ATF2: variants seen among roughly 807,000 people sequenced by gnomAD.
ATF2 encodes the protein activating transcription factor 2, also known as cyclic AMP-dependent transcription factor ATF-2.
Under a neutral mutation model 60.6 loss-of-function variants are expected in ATF2, and 24 were observed. The ratio of observed to expected loss-of-function variants is 0.40; its 90% CI spans 0.29 to 0.56. ATF2 has a LOEUF of 0.56. Ranked by LOEUF, ATF2 falls within the 20% of genes least tolerant of loss-of-function variation. The pLI, the probability that ATF2 is intolerant of heterozygous loss-of-function variation, is 0.54. For synonymous variants in ATF2, 206 were observed against 215.4 expected, an observed-to-expected ratio of 0.96 and a Z score of 0.38; for missense variants, 433 against 607.7, an observed-to-expected ratio of 0.71 and a Z score of 3.02.
intron 12 of ATF2, among the ~76,000 whole-genome samples, chr2:175,081,195 C>T (rs560740739): frequency 2.0e-5 from 3 of 152,232 alleles, no homozygotes; most frequent in Non-Finnish European, 4.4e-5. Flanking sequence ...AAGCAAGTTT[C>T]CAGTTTCCTA....
intron 1 of ATF2, among the ~76,000 whole-genome samples, chr2:175,161,762 T>G (rs1188637164): frequency 1.5e-5 from 1 of 66,398 alleles, no homozygotes; most frequent in Non-Finnish European, 2.8e-5. Context: ...AGAAAGTAAC[T>G]CTTTTTTTTT....
At chr2:175,111,302 A>G (rs1696166140) in intron 10 of ATF2, among the ~76,000 whole-genome samples, 1 of 152,198 alleles carries the variant, frequency 6.6e-6, no homozygotes, top group South Asian at 2.1e-4. Context: ...CACTAGGAGG[A>G]GAAAAAGCCA....
chr2:175,123,632 G>C (rs1697118975), intron 4 of ATF2, among the ~76,000 whole-genome samples: 1 of 151,986 alleles, frequency 6.6e-6, no homozygotes, highest in South Asian at 2.1e-4. Flanking sequence ...TCAATCCTAA[G>C]TGTAAAGAAG....
chr2:175,134,724 C>CTA, intron 3 of ATF2, among the ~76,000 whole-genome samples: 1 of 152,154 alleles, frequency 6.6e-6, no homozygotes, highest in Non-Finnish European at 1.5e-5. Context: ...TGGCTCATGA[C>CTA]TATAATCCCA....
chr2:175,113,088 T>A (rs370264070), intron 9 of ATF2, among the ~76,000 whole-genome samples: 1 of 152,318 alleles, frequency 6.6e-6, no homozygotes, highest in East Asian at 1.9e-4. Context: ...AAATACTGTG[T>A]TCTGGAAACT....
chr2:175,085,549 AACATACACACACACAC>A (rs1243234183), intron 12 of ATF2, among the ~76,000 whole-genome samples: 1 of 74,784 alleles, frequency 1.3e-5, no homozygotes, highest in Non-Finnish European at 2.6e-5. Context: ...ATAAATACAT[AACATACACACACACAC>A]ACACACACAC....
Position 175,114,885 on chromosome 2 carries a change from TA to T in ATF2, c.448-18del. On this transcript the variant is annotated intron_variant, in intron 7 of 13. Transcript: ENST00000264110. ...TGGTACTTCCTATTTAACAATGAGA[TA>T]AAAAAGGGTGGCATTTAAAAATACA... 1.2e-6 allele frequency: 2 copies of T among 1,601,342 alleles called. No individual in the cohort carries two copies. The highest frequency in any genetic ancestry group is 2.2e-5 in the East Asian group (1 of 44,632).
At chr2:175,092,937 A>C in intron 12 of ATF2, 124 bp downstream of exon 12, 1 of 969,544 alleles carries the variant, frequency 1.0e-6, no homozygotes, top group Non-Finnish European at 1.5e-6. Context: ...ATGATTTACT[A>C]TAGATTCCAT....
At chr2:175,127,596 C>G (rs1697423259) in intron 4 of ATF2, among the ~76,000 whole-genome samples, 1 of 152,088 alleles carries the variant, frequency 6.6e-6, no homozygotes, top group South Asian at 2.1e-4. Flanking sequence ...TCTCCTCTGA[C>G]CTCCTCTCTT....
At chr2:175,111,347 A>C (rs1696170204) in intron 10 of ATF2, among the ~76,000 whole-genome samples, 1 of 152,208 alleles carries the variant, frequency 6.6e-6, no homozygotes, top group Non-Finnish European at 1.5e-5. Flanking sequence ...AGTGACAAGA[A>C]ACAGAACTTC....
intron 2 of ATF2, among the ~76,000 whole-genome samples, chr2:175,140,683 C>G (rs1231063846): frequency 1.4e-5 from 2 of 138,974 alleles, no homozygotes; most frequent in African/African-American, 3.0e-5. Context: ...ATACCTTGAA[C>G]TGTTTGAAAA....
intron 1 of ATF2, among the ~76,000 whole-genome samples, chr2:175,162,305 C>T (rs1414166163): frequency 1.3e-5 from 2 of 152,196 alleles, no homozygotes; most frequent in African/African-American, 4.8e-5. Context: ...CTAAATAATA[C>T]AACTTATTCC....
chr2:175,109,170 A>T (rs901368825), intron 10 of ATF2, among the ~76,000 whole-genome samples: 7 of 99,836 alleles, frequency 7.0e-5, no homozygotes, highest in Admixed American at 4.1e-4. Context: ...ATGATCAATA[A>T]AAAAAAAAAA....
Position 175,097,181 on chromosome 2 carries a change from G to T in ATF2, c.978+263C>A, listed in dbSNP as rs188953336. ...CACTGTCCTAAAATCAACAGAAAAA[G>T]ATGTTTTCTTTAAAAAGAATTGTGA... is the stretch of plus-strand genomic sequence containing the variant. On this transcript the variant is annotated intron_variant, in intron 11 of 13. Coordinates refer to ENST00000264110, the MANE Select transcript of ATF2 (RefSeq NM_001880.4). Among the ~76,000 whole-genome samples, 751 of 152,290 alleles carry T rather than the reference G, an allele frequency of 4.9e-3. 5 individuals carry two copies. The highest frequency in any genetic ancestry group is 0.017 in the African/African-American group (690 of 41,584).
At chr2:175,143,163 G>GT (rs897214995) in intron 2 of ATF2, among the ~76,000 whole-genome samples, 2 of 151,950 alleles carry the variant, frequency 1.3e-5, no homozygotes, top group African/African-American at 4.8e-5. Context: ...GAAAATAAAA[G>GT]TTACCTTGAA....
At chr2:175,097,983 C>A (rs1185903292) in intron 10 of ATF2, among the ~76,000 whole-genome samples, 1 of 152,150 alleles carries the variant, frequency 6.6e-6, no homozygotes, top group Admixed American at 6.6e-5. Context: ...ACATTCAGAG[C>A]ATGACAGACC....
rs775915976 is a variant in ATF2, at chr2:175,114,121, A to G, written c.627-13T>C. The stretch of plus-strand genomic sequence containing the variant: ...GCCTGGTACAGGGCTAAGAAAAACA[A>G]AAGAAGAGAAATTTTAAAAAAGAGA... On this transcript the variant is annotated splice_polypyrimidine_tract_variant and intron_variant, in intron 8 of 13. Coordinates refer to ENST00000264110, the MANE Select transcript of ATF2 (RefSeq NM_001880.4). The G allele has an allele frequency of 2.6e-6, 4 of 1,559,978 alleles. No homozygotes were observed. The highest frequency in any genetic ancestry group is 3.5e-6 in the Non-Finnish European group (4 of 1,157,974).
chr2:175,128,500 CAA>C (rs1181110162), intron 4 of ATF2, among the ~76,000 whole-genome samples: 10 of 122,310 alleles, frequency 8.2e-5, no homozygotes, highest in Non-Finnish European at 8.8e-5. Flanking sequence ...AATTCCGTCT[CAA>C]AAAAAAAAAA....
rs536307984 is a variant in ATF2 at position 175,138,049 on chromosome 2, G to C, written c.-43-1563C>G. ...GGGAGGTTTTGCTGAGCTATAGATT[G>C]TTGGAGAAGTCAATGACTGCACATA... On this transcript the variant is annotated intron_variant, in intron 2 of 13. Coordinates refer to ENST00000264110, the MANE Select transcript of ATF2 (RefSeq NM_001880.4). 2.6e-5 allele frequency among the ~76,000 whole-genome samples: 4 copies of C among 152,278 alleles called. No homozygotes were observed. In the South Asian group the frequency reaches 8.3e-4, roughly 32 times the overall value.
Sources: gnomAD v4.1 joint callset for allele counts (sites outside exome capture counted in the v4.1 genomes callset) on GRCh38, gnomAD v4.1.1 for gene constraint, MANE v1.5 for transcripts, NCBI Gene and HGNC (gene_info 2026-07-23, HGNC 2026-07-21) for gene names.